SNTG1: variants seen among roughly 807,000 people sequenced by gnomAD.
SNTG1 encodes gamma-1-syntrophin.
In SNTG1, 39 loss-of-function variants were observed where a neutral mutation model predicts 74.7. That is an observed-to-expected ratio of 0.52 (90% CI 0.40 to 0.68). SNTG1 has a LOEUF of 0.68. Ranked by LOEUF, SNTG1 falls within the 30% of genes least tolerant of loss-of-function variation. The pLI is 0.00. For missense variants in SNTG1, 685 were observed against 609.5 expected, an observed-to-expected ratio of 1.12 and a Z score of -1.30; for synonymous variants, 254 against 217.1, an observed-to-expected ratio of 1.17 and a Z score of -1.49.
chr8:50,715,425 T>C (rs1024184070), intron 17 of SNTG1, among the ~76,000 whole-genome samples: 2 of 152,278 alleles, frequency 1.3e-5, no homozygotes, highest in South Asian at 4.1e-4. Flanking sequence ...ATAGAATACT[T>C]ATAAAGGCTT....
intron 18 of SNTG1, among the ~76,000 whole-genome samples, chr8:50,785,400 C>G (rs958250997): frequency 1.3e-5 from 2 of 151,690 alleles, no homozygotes; most frequent in Non-Finnish European, 2.9e-5. Flanking sequence ...TAAATAATTG[C>G]TAAACATTTA....
chr8:50,778,751 T>C, intron 18 of SNTG1, among the ~76,000 whole-genome samples: 1 of 150,106 alleles, frequency 6.7e-6, no homozygotes, highest in African/African-American at 2.5e-5. Context: ...CCATTGCTTT[T>C]GGTGTTTTAG....
chr8:50,291,587 T>C (rs1361467918), intron 2 of SNTG1, among the ~76,000 whole-genome samples: 2 of 152,044 alleles, frequency 1.3e-5, no homozygotes, highest in African/African-American at 4.8e-5. Flanking sequence ...CTTTCTAGGA[T>C]GTACTAGGGA....
chr8:50,100,785 T>A (rs778318197), intron 1 of SNTG1, among the ~76,000 whole-genome samples: 130 of 152,224 alleles, frequency 8.5e-4, no homozygotes, highest in East Asian at 1.5e-3. Context: ...TTCCTTTTTT[T>A]AAAAAATTAT....
chr8:50,420,320 G>A (rs1334417994), intron 4 of SNTG1, among the ~76,000 whole-genome samples: 1 of 152,052 alleles, frequency 6.6e-6, no homozygotes, highest in East Asian at 1.9e-4. Flanking sequence ...CAATCCAAAT[G>A]ACAGTGTAGT....
chr8:50,595,728 T>C (rs1936579842), intron 13 of SNTG1, among the ~76,000 whole-genome samples: 1 of 152,084 alleles, frequency 6.6e-6, no homozygotes, highest in Non-Finnish European at 1.5e-5. Context: ...TCATACTGTA[T>C]GTATGAATTT....
chr8:50,655,937 C>G (rs1489216053), intron 13 of SNTG1, among the ~76,000 whole-genome samples: 1 of 152,082 alleles, frequency 6.6e-6, no homozygotes, highest in Non-Finnish European at 1.5e-5. Context: ...GGCATGTGTT[C>G]CTATCCTGGG....
chr8:50,187,647 CATGAGCAT>C (rs1475285546), intron 2 of SNTG1, among the ~76,000 whole-genome samples: 2 of 152,132 alleles, frequency 1.3e-5, no homozygotes, highest in African/African-American at 2.4e-5. Flanking sequence ...TTAGAGTTTT[CATGAGCAT>C]AAACCAATGG....
chr8:49,985,425 G>A (rs906098754), intron 1 of SNTG1, among the ~76,000 whole-genome samples: 2 of 143,658 alleles, frequency 1.4e-5, no homozygotes, highest in East Asian at 2.1e-4. Context: ...CCACCGCACC[G>A]AGCCTACAAT....
chr8:50,479,018 C>T (rs2093718596), intron 8 of SNTG1, among the ~76,000 whole-genome samples: 1 of 152,068 alleles, frequency 6.6e-6, no homozygotes, highest in African/African-American at 2.4e-5. Context: ...CTTCATAAAA[C>T]TGCTAGATAG....
At chr8:50,316,238 G>T (rs2090314683) in intron 2 of SNTG1, among the ~76,000 whole-genome samples, 1 of 152,116 alleles carries the variant, frequency 6.6e-6, no homozygotes, top group Non-Finnish European at 1.5e-5. Flanking sequence ...TAGAATCCAT[G>T]ATGATGCCAG....
intron 9 of SNTG1, among the ~76,000 whole-genome samples, chr8:50,517,533 A>G (rs1379824991): frequency 1.3e-5 from 2 of 148,632 alleles, no homozygotes; most frequent in African/African-American, 4.9e-5. Flanking sequence ...GGTGTGCTGT[A>G]TTCAGGAGAC....
intron 4 of SNTG1, among the ~76,000 whole-genome samples, chr8:50,404,752 G>A (rs1294671530): frequency 6.6e-6 from 1 of 151,716 alleles, no homozygotes; most frequent in Non-Finnish European, 1.5e-5. Flanking sequence ...ACTATTCATT[G>A]CCAGAATTTT....
At chr8:50,026,274 G>C (rs570784137) in intron 1 of SNTG1, among the ~76,000 whole-genome samples, 2 of 152,090 alleles carry the variant, frequency 1.3e-5, no homozygotes, top group Admixed American at 6.6e-5. Flanking sequence ...AATGTGCAGA[G>C]GGTAGTGGTT....
intron 1 of SNTG1, among the ~76,000 whole-genome samples, chr8:50,146,578 T>C (rs932021412): frequency 9.9e-5 from 15 of 151,988 alleles, no homozygotes; most frequent in African/African-American, 3.1e-4. Flanking sequence ...GTGGGAATTC[T>C]AGGTTGAAAG....
intron 13 of SNTG1, among the ~76,000 whole-genome samples, chr8:50,632,700 A>T (rs2095009994): frequency 6.6e-6 from 1 of 152,234 alleles, no homozygotes; most frequent in South Asian, 2.1e-4. Flanking sequence ...CAAGTAAATC[A>T]TGTATAGCTG....
intron 18 of SNTG1, among the ~76,000 whole-genome samples, chr8:50,764,006 G>T (rs2095607046): frequency 6.6e-6 from 1 of 150,692 alleles, no homozygotes; most frequent in Admixed American, 6.6e-5. Context: ...ACAAAATAGA[G>T]AGGCCAGAAA....
intron 4 of SNTG1, among the ~76,000 whole-genome samples, chr8:50,411,235 T>G (rs1222383516): frequency 6.6e-6 from 1 of 151,824 alleles, no homozygotes; most frequent in Non-Finnish European, 1.5e-5. Flanking sequence ...AATCACGAGG[T>G]CAGGAGATCG....
intron 17 of SNTG1, among the ~76,000 whole-genome samples, chr8:50,719,584 T>A (rs1338280127): frequency 1.3e-5 from 2 of 152,104 alleles, no homozygotes; most frequent in Admixed American, 6.6e-5. Context: ...AAAACAAAGT[T>A]TTTTGCTATT....
Sources: allele counts gnomAD v4.1 joint callset (sites outside exome capture counted in the v4.1 genomes callset), GRCh38; gene constraint gnomAD v4.1.1; transcripts MANE v1.5; gene names NCBI Gene and HGNC (gene_info 2026-07-23, HGNC 2026-07-21).